Variants in GLB1L2 observed in about 807,000 individuals in gnomAD.
The protein encoded by GLB1L2 is beta-galactosidase-1-like protein 2.
GLB1L2 carries 68 observed loss-of-function variants against 84.1 expected under a neutral mutation model. That is an observed-to-expected ratio of 0.81 (90% CI 0.67 to 0.99). The LOEUF (loss-of-function observed/expected upper bound fraction) is 0.99. Ranked by LOEUF, GLB1L2 falls within the 50% of genes least tolerant of loss-of-function variation. GLB1L2 has a pLI of 0.00. For synonymous variants in GLB1L2, 290 were observed against 318.0 expected (o/e 0.91, Z 0.94); for missense variants, 762 against 805.6 (o/e 0.95, Z 0.66).
intron 7 of GLB1L2, among the ~76,000 whole-genome samples, chr11:134,361,887 C>G (rs1355024341): frequency 6.6e-6 from 1 of 152,140 alleles, no homozygotes. Context: ...CTCCGGCTCC[C>G]GAGCGTTTCC....
intron 5 of GLB1L2, among the ~76,000 whole-genome samples, chr11:134,349,513 G>T (rs1250393420): frequency 1.3e-5 from 2 of 152,108 alleles, no homozygotes; most frequent in Non-Finnish European, 2.9e-5. Flanking sequence ...TTTAGGAATT[G>T]CCATACCGTT....
At chr11:134,348,500 G>A (rs1943581326) in intron 5 of GLB1L2, among the ~76,000 whole-genome samples, 1 of 151,988 alleles carries the variant, frequency 6.6e-6, no homozygotes, top group African/African-American at 2.4e-5. Flanking sequence ...ACGTGCAGCG[G>A]GTCACCAATG....
At chr11:134,361,732 T>C (rs1247034476) in intron 7 of GLB1L2, among the ~76,000 whole-genome samples, 1 of 152,154 alleles carries the variant, frequency 6.6e-6, no homozygotes, top group Non-Finnish European at 1.5e-5. Flanking sequence ...GGCCTCGCTC[T>C]CATTGTTCTG....
chr11:134,373,549 C>T (rs1458320426), intron 15 of GLB1L2, among the ~76,000 whole-genome samples, 172 bp from the exon 16 acceptor site: 3 of 152,132 alleles, frequency 2.0e-5, no homozygotes, highest in East Asian at 1.9e-4. Context: ...TGCTTGCAAG[C>T]GAACGGCTTC....
At chr11:134,372,668 GCT>G (rs1943972868) in intron 15 of GLB1L2, 1 of 152,216 alleles carries the variant, frequency 6.6e-6, no homozygotes, top group East Asian at 1.9e-4. Flanking sequence ...TGACCTCCCA[GCT>G]CTCTCACGGT....
chr11:134,341,206 AC>A (rs979856121), intron 1 of GLB1L2, among the ~76,000 whole-genome samples: 1 of 152,186 alleles, frequency 6.6e-6, no homozygotes, highest in Non-Finnish European at 1.5e-5. Flanking sequence ...TAATACGCAA[AC>A]ACATGCTACA....
chr11:134,374,563 C>A, intron 17 of GLB1L2, 39 bp from the exon 18 acceptor site: 3 of 1,504,118 alleles, frequency 2.0e-6, no homozygotes, highest in Non-Finnish European at 1.8e-6. Flanking sequence ...TTTGCTGTGG[C>A]TCTCGTGGTA....
At chr11:134,348,759 T>C (rs554225496) in intron 5 of GLB1L2, among the ~76,000 whole-genome samples, 2 of 152,250 alleles carry the variant, frequency 1.3e-5, no homozygotes, top group South Asian at 4.2e-4. Context: ...AAGAAATTCA[T>C]TTCTCCCAGT....
intron 6 of GLB1L2, among the ~76,000 whole-genome samples, chr11:134,358,565 G>A (rs897996083): frequency 2.6e-5 from 4 of 152,266 alleles, no homozygotes; most frequent in Admixed American, 6.5e-5. Flanking sequence ...CACGTGACAG[G>A]GCATGGTGGG....
chr11:134,374,816 C>T lies in GLB1L2; in HGVS notation c.1824+98C>T, dbSNP rs1207190162. ...GGGTGGAGGGGCGTGTCAGCGGGTT[C>T]TTCCTCCCTCCTCCTCGCTGCAGAC... On this transcript the variant is annotated intron_variant, in intron 18 of 18. Transcript: ENST00000535456. The T allele has an allele frequency of 3.4e-6, 4 of 1,181,148 alleles. No homozygotes were observed. The African/African-American group carries it at 4.5e-5, about 13-fold the overall frequency. 73.2% of individuals were successfully genotyped at this position (1,181,148 alleles called of 1,614,324 possible). A position where few individuals can be genotyped will look rare whatever the true frequency, so the allele number is the denominator to read the frequency against.
intron 7 of GLB1L2, among the ~76,000 whole-genome samples, chr11:134,362,612 G>A (rs1287938072): frequency 1.3e-5 from 2 of 152,230 alleles, no homozygotes; most frequent in Non-Finnish European, 2.9e-5. Context: ...CTGGGTTCTT[G>A]CCGCAGCTGT....
intron 8 of GLB1L2, 183 bp downstream of exon 8, chr11:134,364,581 G>C (rs1006444063): frequency 6.7e-6 from 4 of 598,016 alleles, no homozygotes; most frequent in Non-Finnish European, 1.2e-5. Flanking sequence ...ACCTCTGAGG[G>C]CTGCTGTGTA....
At chr11:134,368,139 ATTG>A (rs1324259157) in intron 9 of GLB1L2, among the ~76,000 whole-genome samples, 1 of 152,224 alleles carries the variant, frequency 6.6e-6, no homozygotes, top group Non-Finnish European at 1.5e-5. Flanking sequence ...TCAGTACATC[ATTG>A]TTTAGTCTGC....
intron 8 of GLB1L2, 113 bp from the exon 9 acceptor site, chr11:134,367,144 G>C: frequency 1.1e-6 from 1 of 927,732 alleles, no homozygotes; most frequent in East Asian, 2.6e-5. Flanking sequence ...CAGTGGGTAT[G>C]CAGACAGGGA....
At chr11:134,335,207 G>T (rs533427006) in intron 1 of GLB1L2, among the ~76,000 whole-genome samples, 1 of 148,112 alleles carries the variant, frequency 6.8e-6, no homozygotes, top group South Asian at 2.1e-4. Flanking sequence ...GAACAAGGTG[G>T]CTAACTTAGC....
intron 15 of GLB1L2, 56 bp from the exon 16 acceptor site, chr11:134,373,665 C>T (rs1943986550): frequency 8.4e-7 from 1 of 1,189,440 alleles, no homozygotes; most frequent in South Asian, 1.3e-5. Flanking sequence ...GGCCCCGGCC[C>T]AGCTGACTCG....
intron 2 of GLB1L2, 63 bp downstream of exon 2, chr11:134,343,014 C>A (rs1049452473): frequency 6.6e-7 from 1 of 1,517,246 alleles, no homozygotes; most frequent in Non-Finnish European, 8.9e-7. Context: ...TGTCTGCATG[C>A]GAAAAAATAT....
rs1943679176 is a variant in GLB1L2, at chr11:134,354,748, A to T, written c.559-1553A>T. On this transcript the variant is annotated intron_variant, in intron 5 of 18. Transcript: ENST00000535456. The stretch of plus-strand genomic sequence containing the variant: ...GATATCCTTTATAGTCTTATTGAGG[A>T]TCCCTTGCCTGTGACCAAAACTTTT... 2.0e-5 allele frequency among the ~76,000 whole-genome samples: 3 copies of T among 152,080 alleles called. No homozygotes were observed. The South Asian group carries it at 6.2e-4, about 32-fold the overall frequency.
chr11:134,341,962 A>G (rs1943469503), intron 1 of GLB1L2, among the ~76,000 whole-genome samples: 1 of 72,176 alleles, frequency 1.4e-5, no homozygotes, highest in African/African-American at 4.3e-5. Flanking sequence ...TCAGCCACCC[A>G]GCACCGGCTC....
Sources: allele counts gnomAD v4.1 joint callset (sites outside exome capture counted in the v4.1 genomes callset), GRCh38; gene constraint gnomAD v4.1.1; transcripts MANE v1.5; gene names NCBI Gene and HGNC (gene_info 2026-07-23, HGNC 2026-07-21).